ALDH9A1: variants seen among roughly 807,000 people sequenced by gnomAD.
The protein encoded by ALDH9A1 is aldehyde dehydrogenase 9 family member A1.
In ALDH9A1, 42 loss-of-function variants were observed where a neutral mutation model predicts 56.6. The observed-to-expected ratio is 0.74, with a 90% CI of 0.58 to 0.96. The LOEUF is 0.96. Ranked by LOEUF, ALDH9A1 falls within the 40% of genes least tolerant of loss-of-function variation. The pLI is 0.00. For missense variants in ALDH9A1, 661 were observed against 651.5 expected, an observed-to-expected ratio of 1.01 and a Z score of -0.16; for synonymous variants, 242 against 236.0, an observed-to-expected ratio of 1.03 and a Z score of -0.23.
chr1:165,682,012 G>A, intron 4 of ALDH9A1, 95 bp downstream of exon 4: 3 of 1,494,246 alleles, frequency 2.0e-6, no homozygotes, highest in Non-Finnish European at 2.7e-6. Context: ...GATTTAAAGT[G>A]TGTGTTTATA....
At chr1:165,667,796 T>G (rs931154867) in intron 8 of ALDH9A1, among the ~76,000 whole-genome samples, 18 of 152,328 alleles carry the variant, frequency 1.2e-4, no homozygotes, top group African/African-American at 4.3e-4. Flanking sequence ...GCATCAAATA[T>G]GAAGTTGTTA....
intron 2 of ALDH9A1, among the ~76,000 whole-genome samples, chr1:165,691,383 C>G (rs1380055562): frequency 1.3e-5 from 2 of 152,192 alleles, no homozygotes; most frequent in Admixed American, 1.3e-4. Context: ...ATATGTAGGT[C>G]AGCATCATCA....
chr1:165,674,229 AG>A (rs1476552268), intron 6 of ALDH9A1, among the ~76,000 whole-genome samples: 1 of 151,722 alleles, frequency 6.6e-6, no homozygotes, highest in Non-Finnish European at 1.5e-5. Context: ...AACCACAAAA[AG>A]GGGCAACCAG....
At chr1:165,676,235 G>C (rs563930608) in intron 6 of ALDH9A1, 2 of 154,326 alleles carry the variant, frequency 1.3e-5, no homozygotes, top group African/African-American at 4.8e-5. Flanking sequence ...TCAGATCTTG[G>C]TTTCTAAATA....
chr1:165,693,857 C>CAT (rs1649976418), intron 2 of ALDH9A1, among the ~76,000 whole-genome samples: 1 of 152,100 alleles, frequency 6.6e-6, no homozygotes, highest in South Asian at 2.1e-4. Context: ...AAATGTGGCA[C>CAT]ATATATACCA....
At chr1:165,664,714 T>A (rs1648952120) in intron 10 of ALDH9A1, among the ~76,000 whole-genome samples, 1 of 152,154 alleles carries the variant, frequency 6.6e-6, no homozygotes, top group African/African-American at 2.4e-5. Context: ...CTTACAGAAG[T>A]CACAGGCTGT....
intron 6 of ALDH9A1, among the ~76,000 whole-genome samples, chr1:165,677,163 A>T (rs963197169): frequency 1.3e-5 from 2 of 151,446 alleles, no homozygotes; most frequent in Non-Finnish European, 3.0e-5. Context: ...ACTTGAGCCC[A>T]GGAGTTCAAG....
In ALDH9A1 at chr1:165,672,264, CTGTG is replaced by C. The variant is rs1051147614; in HGVS notation, c.931-2818_931-2815del. On this transcript the variant is annotated intron_variant, in intron 6 of 10. Coordinates refer to ENST00000354775, the MANE Select transcript of ALDH9A1 (RefSeq NM_000696.4). The stretch of plus-strand genomic sequence containing the variant: ...ATAAACAAAATGTGGTATGTGTGTG[CTGTG>C]TGTGTGTGTATGTGTGCTGTGTGTG... 4.0e-5 allele frequency among the ~76,000 whole-genome samples: 6 copies of C among 151,520 alleles called. No homozygotes were observed. The East Asian group carries it at 7.7e-4, about 20-fold the overall frequency.
At chr1:165,678,040 A>G (rs1319487319) in intron 6 of ALDH9A1, among the ~76,000 whole-genome samples, 1 of 151,618 alleles carries the variant, frequency 6.6e-6, no homozygotes, top group East Asian at 1.9e-4. Flanking sequence ...GTCTCAATAA[A>G]AAAATAAAAT....
chr1:165,680,845 T>C (rs1649528036), intron 4 of ALDH9A1, among the ~76,000 whole-genome samples, 162 bp from the exon 5 acceptor site: 1 of 152,172 alleles, frequency 6.6e-6, no homozygotes, highest in Non-Finnish European at 1.5e-5. Flanking sequence ...TTTGTTTTCA[T>C]GCTGCTGATA....
At chr1:165,694,302 A>G (rs1229446557) in intron 2 of ALDH9A1, among the ~76,000 whole-genome samples, 2 of 152,074 alleles carry the variant, frequency 1.3e-5, no homozygotes, top group South Asian at 2.1e-4. Context: ...TGGGAAACAA[A>G]AGAAACCTTT....
chr1:165,682,183 C>T lies in ALDH9A1; in HGVS notation c.516G>A (p.Gly172=). 1 of 1,613,974 alleles carries T rather than the reference C, an allele frequency of 6.2e-7. No homozygotes were observed. The highest frequency in any genetic ancestry group is 8.5e-7 in the Non-Finnish European group (1 of 1,179,912). ...TCCATGCTCCTATTCCCACACATACCCCAAGTGGTTCTCTTCTGGTATAAC... is the reference window on the plus strand; with the variant it reads ...TCCATGCTCCTATTCCCACACATACTCCAAGTGGTTCTCTTCTGGTATAAC... ...SFGYTRREPL[G]VCVGIGAWNY... The change falls in exon 4 of 11, where the codon GGG becomes GGA. Residue 172 remains glycine, a synonymous_variant. Transcript: ENST00000354775.
chr1:165,682,054 C>T lies in ALDH9A1; in HGVS notation c.592+53G>A, dbSNP rs1282671687. ...TGAAAGGTAGAGAATGGGGAGAGAACGAACGAGAGAATGAACGAATGGCTC... is the reference window on the plus strand; with the variant it reads ...TGAAAGGTAGAGAATGGGGAGAGAATGAACGAGAGAATGAACGAATGGCTC... On this transcript the variant is annotated intron_variant, in intron 4 of 10. Transcript: ENST00000354775. The T allele has an allele frequency of 3.1e-5, 50 of 1,599,850 alleles. No individual in the cohort carries two copies. The Admixed American group carries it at 3.9e-4, about 12-fold the overall frequency.
chr1:165,672,972 A>AACACACAC (rs67363579), intron 6 of ALDH9A1, among the ~76,000 whole-genome samples: 3,364 of 124,174 alleles, frequency 0.027, 73 homozygotes, highest in African/African-American at 0.05. Flanking sequence ...AAAAAATACA[A>AACACACAC]ACACACACAC....
chr1:165,670,863 G>A (rs1340936044), intron 6 of ALDH9A1, among the ~76,000 whole-genome samples: 1 of 152,212 alleles, frequency 6.6e-6, no homozygotes, highest in Non-Finnish European at 1.5e-5. Flanking sequence ...CTAGAGGTCA[G>A]TAGTTCAAAA....
chr1:165,673,155 C>T (rs1318093513), intron 6 of ALDH9A1, among the ~76,000 whole-genome samples: 1 of 146,950 alleles, frequency 6.8e-6, no homozygotes, highest in Non-Finnish European at 1.5e-5. Flanking sequence ...CCTGGATAGA[C>T]ATATTTCCAG....
intron 6 of ALDH9A1, among the ~76,000 whole-genome samples, chr1:165,675,145 A>T (rs1649309986): frequency 1.3e-5 from 2 of 152,182 alleles, no homozygotes; most frequent in Non-Finnish European, 2.9e-5. Flanking sequence ...CAGTGAACCA[A>T]GATCGTGTCA....
chr1:165,672,845 G>T (rs771479458), intron 6 of ALDH9A1, among the ~76,000 whole-genome samples: 1 of 151,978 alleles, frequency 6.6e-6, no homozygotes, highest in Non-Finnish European at 1.5e-5. Context: ...GCTGAAGTGG[G>T]AATATCACTT....
rs1558013710 is a variant in ALDH9A1 at position 165,694,955 on chromosome 1, C to CCA, written c.327+296_327+297insTG. Among the ~76,000 whole-genome samples, 39 of 106,710 alleles carry CCA rather than the reference C, an allele frequency of 3.7e-4. No individual in the cohort carries two copies. In the East Asian group the frequency reaches 4.4e-3, roughly 12 times the overall value. The allele number at this position is 106,710 out of a possible 152,430, so 70.0% of individuals were successfully genotyped here. On this transcript the variant is annotated intron_variant, in intron 2 of 10. Coordinates refer to ENST00000354775, the MANE Select transcript of ALDH9A1 (RefSeq NM_000696.4). The stretch of plus-strand genomic sequence containing the variant: ...TGGGCGACAGAGCAAGATTCCGTCT[C>CCA]AAAAAAAAAAAAAAATAAAAATAAA...
Sources: gnomAD v4.1 joint callset for allele counts (sites outside exome capture counted in the v4.1 genomes callset) on GRCh38, gnomAD v4.1.1 for gene constraint, MANE v1.5 for transcripts, NCBI Gene and HGNC (gene_info 2026-07-23, HGNC 2026-07-21) for gene names.